Variants in MAGI2 observed in about 807,000 individuals in gnomAD.
The protein encoded by MAGI2 is membrane associated guanylate kinase, WW and PDZ domain containing 2, also known as membrane-associated guanylate kinase, WW and PDZ domain-containing protein 2.
A neutral mutation model predicts 133.3 loss-of-function variants in MAGI2; 35 were observed. The ratio of observed to expected loss-of-function variants is 0.26; its 90% CI spans 0.20 to 0.35. The LOEUF (loss-of-function observed/expected upper bound fraction) is 0.35. MAGI2 is among the 10% of genes least tolerant of loss of function. The probability of loss-of-function intolerance (pLI) is 1.00; values close to 1 mark genes in which losing one functional copy is unlikely to be tolerated. For synonymous variants in MAGI2, 729 were observed against 710.6 expected, an observed-to-expected ratio of 1.03 and a Z score of -0.41; for missense variants, 1,636 against 1,863.4, an observed-to-expected ratio of 0.88 and a Z score of 2.25.
At chr7:79,379,829 CT>C (rs34699264) in intron 1 of MAGI2, among the ~76,000 whole-genome samples, 9,337 of 142,564 alleles carry the variant, frequency 0.065, 329 homozygotes, top group Non-Finnish European at 0.09. Context: ...CTCCCCCCAA[CT>C]TTTTTTTTTT....
At chr7:79,276,020 T>A (rs1389306512) in intron 1 of MAGI2, among the ~76,000 whole-genome samples, 1 of 152,188 alleles carries the variant, frequency 6.6e-6, no homozygotes, top group African/African-American at 2.4e-5. Context: ...GTTGTTTTCA[T>A]GCCTGCTAAC....
chr7:79,152,871 C>T (rs1028475713), intron 1 of MAGI2, among the ~76,000 whole-genome samples: 5 of 152,150 alleles, frequency 3.3e-5, no homozygotes, highest in African/African-American at 1.2e-4. Flanking sequence ...AAACTGAGTA[C>T]AGACTTAAGG....
intron 10 of MAGI2, among the ~76,000 whole-genome samples, chr7:78,234,342 C>G (rs1790283510): frequency 6.6e-6 from 1 of 152,102 alleles, no homozygotes; most frequent in African/African-American, 2.4e-5. Flanking sequence ...ACAACCCACT[C>G]TCCTGGAAAT....
In MAGI2 at chr7:78,167,963, C is replaced by T. The variant is rs752723914; in HGVS notation, c.2549G>A (p.Arg850His). The T allele has an allele frequency of 7.4e-6, 12 of 1,614,078 alleles. No individual in the cohort carries two copies. The highest frequency in any genetic ancestry group is 1.6e-4 in the Middle Eastern group (1 of 6,062). Residue 850 changes from arginine to histidine, a missense_variant, in exon 15 of 22, where the codon CGC (arginine) becomes CAC (histidine). This residue lies in a region of MAGI2 where 920 missense variants were observed against 1,093.5 expected (regional missense o/e 0.84). Transcript: ENST00000354212. ...YVIDLMHHAA[R>H]NGQVNLTVRR... ...CACAGTGAGGTTGACCTGCCCATTG[C>T]GGGCTGCGTGGTGCATGAGGTCGAT...
chr7:79,187,867 C>T (rs921971636), intron 1 of MAGI2, among the ~76,000 whole-genome samples: 2 of 151,744 alleles, frequency 1.3e-5, no homozygotes, highest in African/African-American at 4.8e-5. Flanking sequence ...AATTGAGATA[C>T]AGGAGACCTA....
In MAGI2 at chr7:78,672,049, C is replaced by T. The variant is rs966501877; in HGVS notation, c.419-44810G>A. 3.3e-5 allele frequency among the ~76,000 whole-genome samples: 5 copies of T among 152,284 alleles called. No homozygotes were observed. The East Asian group carries it at 7.7e-4, about 24-fold the overall frequency. ...TTGTAAGGCCCAAAATGCATTTTCC[C>T]TCTATAGAAATGTTCATTGTTCTTT... is the stretch of plus-strand genomic sequence containing the variant. On this transcript the variant is annotated intron_variant, in intron 2 of 21. Coordinates refer to ENST00000354212, the MANE Select transcript of MAGI2 (RefSeq NM_012301.4).
chr7:78,973,776 A>G (rs757140567), intron 2 of MAGI2, among the ~76,000 whole-genome samples: 3 of 151,774 alleles, frequency 2.0e-5, no homozygotes, highest in Non-Finnish European at 2.9e-5. Flanking sequence ...GCCCTGCTGT[A>G]TGCTCGTAGC....
intron 1 of MAGI2, among the ~76,000 whole-genome samples, chr7:79,236,324 G>A (rs1831921263): frequency 6.6e-6 from 1 of 152,190 alleles, no homozygotes; most frequent in African/African-American, 2.4e-5. Context: ...AGTGTCAAGG[G>A]AGTAAGGACA....
chr7:78,181,141 G>A lies in MAGI2; in HGVS notation c.2312-3039C>T, dbSNP rs541986493. The stretch of plus-strand genomic sequence containing the variant: ...TTTCCCCTAGTTGCTCTTCTGGCCC[G>A]ACGACATGTTTCAATTACTGTATCA... On this transcript the variant is annotated intron_variant, in intron 13 of 21. Coordinates refer to ENST00000354212, the MANE Select transcript of MAGI2 (RefSeq NM_012301.4). Among the ~76,000 whole-genome samples, 10 of 152,086 alleles carry A rather than the reference G, an allele frequency of 6.6e-5. No individual in the cohort carries two copies. In the East Asian group the frequency reaches 1.4e-3, roughly 21 times the overall value.
At chr7:79,372,827 TC>T (rs1843132638) in intron 1 of MAGI2, among the ~76,000 whole-genome samples, 1 of 152,008 alleles carries the variant, frequency 6.6e-6, no homozygotes, top group African/African-American at 2.4e-5. Context: ...TTTGCCACTC[TC>T]CCTATGAGCA....
At chr7:78,268,712 T>C (rs1260656360) in intron 9 of MAGI2, among the ~76,000 whole-genome samples, 4 of 152,214 alleles carry the variant, frequency 2.6e-5, no homozygotes, top group Admixed American at 2.6e-4. Context: ...CAGGCTAAAA[T>C]TAATCACTTC....
At chr7:78,058,119 G>T (rs1225806006) in intron 21 of MAGI2, among the ~76,000 whole-genome samples, 1 of 150,900 alleles carries the variant, frequency 6.6e-6, no homozygotes, top group African/African-American at 2.4e-5. Flanking sequence ...TTTTTTGAAG[G>T]TACTATGCTA....
intron 1 of MAGI2, among the ~76,000 whole-genome samples, chr7:79,101,998 T>A (rs551017758): frequency 6.6e-6 from 1 of 152,068 alleles, no homozygotes; most frequent in Non-Finnish European, 1.5e-5. Flanking sequence ...GCTTTATACC[T>A]TACATTTGTT....
rs1352279709 is a variant in MAGI2 at position 78,070,172 on chromosome 7, CACATATATATATATAT to C, written c.3706+8759_3706+8774del. ...ATACACACATATATATACACACACACACATATATATATATATATATATATATATATATATATATATA... is the reference window on the plus strand; with the variant it reads ...ATACACACATATATATACACACACACATATATATATATATATATATATATA... On this transcript the variant is annotated intron_variant, in intron 21 of 21. Coordinates refer to ENST00000354212, the MANE Select transcript of MAGI2 (RefSeq NM_012301.4). Among the ~76,000 whole-genome samples the C allele has an allele frequency of 3.3e-3, 95 of 28,896 alleles. 1 individual carries two copies. Among genetic ancestry groups the C allele is most frequent in the Non-Finnish European group, 1.7e-3 (25 of 14,754 alleles). 19.0% of individuals were successfully genotyped at this position (28,896 alleles called of 152,430 possible).
chr7:78,695,468 A>G (rs1232493008), intron 2 of MAGI2, among the ~76,000 whole-genome samples: 3 of 152,168 alleles, frequency 2.0e-5, no homozygotes, highest in Admixed American at 6.5e-5. Flanking sequence ...GAAGCATTTC[A>G]AATATCCAGT....
At chr7:79,100,657 T>A (rs886814352) in intron 1 of MAGI2, among the ~76,000 whole-genome samples, 5 of 151,616 alleles carry the variant, frequency 3.3e-5, no homozygotes, top group Non-Finnish European at 7.4e-5. Flanking sequence ...TTTTAAAAAA[T>A]TATGTATATT....
intron 1 of MAGI2, among the ~76,000 whole-genome samples, chr7:79,150,750 G>T (rs1236595901): frequency 6.6e-6 from 1 of 151,598 alleles, no homozygotes; most frequent in Non-Finnish European, 1.5e-5. Context: ...AGGATGTCAA[G>T]CTTGAAATAA....
chr7:78,330,912 C>G (rs16885938), intron 9 of MAGI2, among the ~76,000 whole-genome samples: 3 of 151,928 alleles, frequency 2.0e-5, no homozygotes, highest in Non-Finnish European at 4.4e-5. Flanking sequence ...CAGAGTAGTA[C>G]GAACTGAACG....
At chr7:78,799,784 C>A (rs1168826402) in intron 2 of MAGI2, among the ~76,000 whole-genome samples, 3 of 152,126 alleles carry the variant, frequency 2.0e-5, no homozygotes, top group African/African-American at 7.2e-5. Flanking sequence ...TAGCTCTCTG[C>A]CTTTCTTACC....
Sources: allele counts gnomAD v4.1 joint callset (sites outside exome capture counted in the v4.1 genomes callset), GRCh38; gene constraint gnomAD v4.1.1; regional missense constraint gnomAD v4.1.1; transcripts MANE v1.5; gene names NCBI Gene and HGNC (gene_info 2026-07-23, HGNC 2026-07-21).